Variants in CAPN9 observed in about 807,000 individuals in gnomAD.
CAPN9 encodes calpain-9.
A neutral mutation model predicts 92.8 loss-of-function variants in CAPN9; 81 were observed. The observed-to-expected ratio is 0.87, with a 90% CI of 0.73 to 1.05. CAPN9 has a LOEUF of 1.05. Ranked by LOEUF, CAPN9 falls within the 50% of genes least tolerant of loss-of-function variation. CAPN9 has a pLI of 0.00. For synonymous variants in CAPN9, 304 were observed against 328.0 expected (o/e 0.93, Z 0.79); for missense variants, 848 against 866.2 (o/e 0.98, Z 0.26).
At chr1:230,768,577 A>G (rs564531024) in intron 5 of CAPN9, among the ~76,000 whole-genome samples, 1 of 152,244 alleles carries the variant, frequency 6.6e-6, no homozygotes, top group South Asian at 2.1e-4. Flanking sequence ...ACTATGAAAA[A>G]AATAGCAGAT....
intron 4 of CAPN9, among the ~76,000 whole-genome samples, chr1:230,763,166 C>A (rs1402230734): frequency 6.6e-6 from 1 of 152,170 alleles, no homozygotes; most frequent in East Asian, 1.9e-4. Context: ...ATAGAGACAT[C>A]AATTGTCCGT....
At chr1:230,755,993 A>G (rs569277003) in intron 2 of CAPN9, among the ~76,000 whole-genome samples, 5 of 152,286 alleles carry the variant, frequency 3.3e-5, no homozygotes, top group East Asian at 1.9e-4. Context: ...AAGTCACTCA[A>G]ATTGGGTCCT....
intron 5 of CAPN9, among the ~76,000 whole-genome samples, chr1:230,768,545 T>G (rs531261732): frequency 1.6e-3 from 54 of 34,022 alleles, no homozygotes; most frequent in Admixed American, 2.8e-3. Flanking sequence ...CTGAAATTTG[T>G]TTTTTTTTTT....
intron 4 of CAPN9, among the ~76,000 whole-genome samples, chr1:230,766,216 C>T (rs1282046495): frequency 6.6e-6 from 1 of 152,180 alleles, no homozygotes; most frequent in East Asian, 1.9e-4. Flanking sequence ...CTGCCTCAGC[C>T]TCCCGAAATG....
chr1:230,789,337 G>A (rs755368524), intron 13 of CAPN9, among the ~76,000 whole-genome samples: 6 of 152,042 alleles, frequency 3.9e-5, no homozygotes, highest in Non-Finnish European at 8.8e-5. Context: ...GCCCAGCATG[G>A]TGGTGCATGC....
intron 7 of CAPN9, among the ~76,000 whole-genome samples, chr1:230,773,566 A>C (rs911604767): frequency 6.6e-6 from 1 of 152,162 alleles, no homozygotes; most frequent in Non-Finnish European, 1.5e-5. Context: ...TGGGAGGGGC[A>C]GGCGCCATCC....
chr1:230,754,792 G>A (rs541929297), intron 1 of CAPN9, among the ~76,000 whole-genome samples: 1 of 152,302 alleles, frequency 6.6e-6, no homozygotes, highest in Non-Finnish European at 1.5e-5. Context: ...TCCAGCCTGG[G>A]TGACACAGCA....
intron 3 of CAPN9, among the ~76,000 whole-genome samples, chr1:230,760,770 C>T (rs1432520841): frequency 6.6e-6 from 1 of 152,180 alleles, no homozygotes; most frequent in Non-Finnish European, 1.5e-5. Context: ...CCCCAGGAGC[C>T]GGTCTTTCCC....
chr1:230,793,836 C>T (rs1291488074), intron 17 of CAPN9, among the ~76,000 whole-genome samples: 1 of 152,170 alleles, frequency 6.6e-6, no homozygotes, highest in Admixed American at 6.5e-5. Context: ...GGGATGATGA[C>T]TCTGTTTCCA....
chr1:230,780,968 C>G (rs970491872), intron 11 of CAPN9, among the ~76,000 whole-genome samples: 2 of 152,088 alleles, frequency 1.3e-5, no homozygotes, highest in Admixed American at 6.5e-5. Context: ...CAGGTTCAAG[C>G]AATTCTCCTG....
intron 9 of CAPN9, 74 bp from the exon 10 acceptor site, chr1:230,780,105 T>C: frequency 1.1e-6 from 1 of 942,584 alleles, no homozygotes; most frequent in Non-Finnish European, 1.6e-6. Context: ...TGTGTGTGTG[T>C]GTGTGTGTGT....
chr1:230,747,765 C>T (rs1664517180), intron 1 of CAPN9, 56 bp downstream of exon 1: 4 of 1,516,152 alleles, frequency 2.6e-6, no homozygotes, highest in East Asian at 4.5e-5. Context: ...CAGCAGCCCC[C>T]GCAGGAAGTG....
chr1:230,785,515 G>A (rs1164703531), intron 11 of CAPN9, among the ~76,000 whole-genome samples: 3 of 152,044 alleles, frequency 2.0e-5, no homozygotes, highest in African/African-American at 4.8e-5. Flanking sequence ...CACGAGATCT[G>A]GTTGTTTAAG....
chr1:230,775,569 A>T (rs1666701045), intron 8 of CAPN9, among the ~76,000 whole-genome samples: 1 of 152,000 alleles, frequency 6.6e-6, no homozygotes. Context: ...ATTCCCTTTC[A>T]TGTGCTCCAA....
intron 14 of CAPN9, among the ~76,000 whole-genome samples, chr1:230,791,616 C>T (rs1667995549): frequency 6.6e-6 from 1 of 152,126 alleles, no homozygotes; most frequent in Non-Finnish European, 1.5e-5. Flanking sequence ...TTATTCTTTG[C>T]TCGGGGTTCT....
At chr1:230,747,808 C>T in intron 1 of CAPN9, 99 bp downstream of exon 1, 1 of 996,558 alleles carries the variant, frequency 1.0e-6, no homozygotes, top group Non-Finnish European at 1.6e-6. Flanking sequence ...GCCGGCTACG[C>T]TCAGTGCAAC....
At chr1:230,790,295 G>C in intron 14 of CAPN9, 106 bp downstream of exon 14, 1 of 1,453,152 alleles carries the variant, frequency 6.9e-7, no homozygotes, top group Non-Finnish European at 9.1e-7. Flanking sequence ...TGCTTCCCAG[G>C]GCTGATTTGT....
chr1:230,798,384 G>T (rs1053006346), intron 19 of CAPN9, among the ~76,000 whole-genome samples, 164 bp downstream of exon 19: 18 of 152,206 alleles, frequency 1.2e-4, no homozygotes, highest in African/African-American at 4.3e-4. Flanking sequence ...TATTTATCAA[G>T]TAATCAATTA....
intron 19 of CAPN9, among the ~76,000 whole-genome samples, chr1:230,800,270 G>GA (rs1181544354): frequency 7.6e-6 from 1 of 132,174 alleles, no homozygotes; most frequent in Non-Finnish European, 1.6e-5. Flanking sequence ...AAGAAAGAAA[G>GA]AAAGAAAGAA....
Sources: gnomAD v4.1 joint callset for allele counts (sites outside exome capture counted in the v4.1 genomes callset) on GRCh38, gnomAD v4.1.1 for gene constraint, MANE v1.5 for transcripts, NCBI Gene and HGNC (gene_info 2026-07-23, HGNC 2026-07-21) for gene names.